Variants in ZNF423 observed in about 807,000 individuals in gnomAD.
ZNF423 encodes the protein zinc finger protein 423, also known as Ebf-associated zinc finger protein.
ZNF423 carries 12 observed loss-of-function variants against 95.8 expected under a neutral mutation model. That is an observed-to-expected ratio of 0.13 (90% confidence interval 0.08 to 0.20). The LOEUF (loss-of-function observed/expected upper bound fraction) is 0.20. ZNF423 is among the 10% of genes least tolerant of loss of function. ZNF423 has a pLI of 1.00. For missense variants in ZNF423, 1,316 were observed against 1,737.1 expected (o/e 0.76, Z 4.31); for synonymous variants, 749 against 711.9 (o/e 1.05, Z -0.83).
chr16:49,624,362 C>T (rs1443121454), intron 5 of ZNF423, among the ~76,000 whole-genome samples: 1 of 151,972 alleles, frequency 6.6e-6, no homozygotes, highest in Non-Finnish European at 1.5e-5. Flanking sequence ...ACCAGCCTGG[C>T]CAACATAGTG....
At chr16:49,774,850 G>A (rs2034094428) in intron 2 of ZNF423, among the ~76,000 whole-genome samples, 1 of 151,972 alleles carries the variant, frequency 6.6e-6, no homozygotes, top group South Asian at 2.1e-4. Context: ...AGGGATAGGT[G>A]GTAGTCAAAA....
chr16:49,733,520 C>T (rs2033217196), intron 2 of ZNF423, among the ~76,000 whole-genome samples: 1 of 152,186 alleles, frequency 6.6e-6, no homozygotes, highest in Admixed American at 6.5e-5. Context: ...TGTCAACTCT[C>T]AGGTTTTTAT....
intron 4 of ZNF423, among the ~76,000 whole-genome samples, chr16:49,633,010 C>T (rs1015647138): frequency 3.9e-5 from 6 of 152,156 alleles, no homozygotes; most frequent in East Asian, 3.9e-4. Flanking sequence ...TGTGACCACC[C>T]GGGACCCCAC....
intron 3 of ZNF423, among the ~76,000 whole-genome samples, chr16:49,642,309 C>T (rs1972999831): frequency 6.6e-6 from 1 of 152,190 alleles, no homozygotes; most frequent in Non-Finnish European, 1.5e-5. Flanking sequence ...AAACTTCATC[C>T]TGTAGGAGTA....
At chr16:49,511,626 C>T (rs1279825016) in intron 7 of ZNF423, among the ~76,000 whole-genome samples, 3 of 152,206 alleles carry the variant, frequency 2.0e-5, no homozygotes. Flanking sequence ...AGGCCTGTGC[C>T]TTGGGCCTTC....
chr16:49,731,977 A>G (rs2033180375), intron 2 of ZNF423, among the ~76,000 whole-genome samples: 1 of 152,196 alleles, frequency 6.6e-6, no homozygotes, highest in Non-Finnish European at 1.5e-5. Context: ...AATCATAATG[A>G]TGCCTTGCAA....
At chr16:49,639,897 A>G (rs1972911375) in intron 3 of ZNF423, among the ~76,000 whole-genome samples, 1 of 152,236 alleles carries the variant, frequency 6.6e-6, no homozygotes, top group African/African-American at 2.4e-5. Flanking sequence ...CACACAGGAC[A>G]CAGTGAATAA....
chr16:49,532,296 G>C (rs1968876026), intron 5 of ZNF423, among the ~76,000 whole-genome samples: 1 of 152,174 alleles, frequency 6.6e-6, no homozygotes, highest in Non-Finnish European at 1.5e-5. Context: ...CCGACCCCCA[G>C]TGCCAGGGGC....
chr16:49,676,259 C>T (rs74990965), intron 3 of ZNF423, among the ~76,000 whole-genome samples: 4,865 of 152,308 alleles, frequency 0.032, 207 homozygotes, highest in East Asian at 0.13. Context: ...CTCCACGAGG[C>T]ACTAACTGAG....
chr16:49,648,233 G>C (rs1185076923), intron 3 of ZNF423, among the ~76,000 whole-genome samples: 1 of 152,220 alleles, frequency 6.6e-6, no homozygotes, highest in African/African-American at 2.4e-5. Context: ...AGTTATGTGG[G>C]AAGCAGAACT....
chr16:49,637,881 A>C lies in ZNF423; in HGVS notation c.1295T>G (p.Val432Gly). ...CSKRDFNSLA[V>G]LEIHLKTIHA... ...GATGGTCTTCAGGTGGATCTCCAGC[A>C]CGGCCAGGCTGTTAAAGTCCCGCTT... The change falls in exon 4 of 8, where the codon GTG (valine) becomes GGG (glycine). Residue 432 changes from valine to glycine, a missense_variant. By Grantham distance (109) the Val-to-Gly change is moderately radical. Around this residue, in one of 6 missense-constraint regions of ZNF423, gnomAD observed 399 missense variants for 478.5 expected, o/e 0.83. Coordinates refer to ENST00000563137, the MANE Select transcript of ZNF423 (RefSeq NM_001379286.1). This position sits in a 1 kb window ranked among gnomAD's most constrained non-coding sequence, Gnocchi z 5.6. 6.2e-7 allele frequency: 1 copy of C among 1,614,124 alleles called. No individual in the cohort carries two copies. The highest frequency in any genetic ancestry group is 2.2e-5 in the East Asian group (1 of 44,866).
At chr16:49,817,113 G>A (rs1399671272) in intron 1 of ZNF423, among the ~76,000 whole-genome samples, 4 of 152,108 alleles carry the variant, frequency 2.6e-5, no homozygotes, top group East Asian at 1.9e-4. Flanking sequence ...TTGCCATCTC[G>A]AAATAAGTCT....
In ZNF423 at chr16:49,811,566, A is replaced by G. The variant is rs1398373179; in HGVS notation, c.41-22020T>C. On this transcript the variant is annotated intron_variant, in intron 1 of 7. Transcript: ENST00000563137. ...GGCTGACCAAACTTCTAGCAGTCCA[A>G]ATACAGTCCTTGCACTGCAGGCTGC... 2.0e-5 allele frequency among the ~76,000 whole-genome samples: 3 copies of G among 152,138 alleles called. 1 individual carries two copies. The highest frequency in any genetic ancestry group is 2.0e-4 in the Admixed American group (3 of 15,276).
At chr16:49,677,724 G>A (rs1279051073) in intron 3 of ZNF423, among the ~76,000 whole-genome samples, 14 of 148,888 alleles carry the variant, frequency 9.4e-5, no homozygotes, top group African/African-American at 3.2e-4. Flanking sequence ...ACTGCCCTCC[G>A]GCCTGGATAA....
At chr16:49,839,374 A>T (rs920250617) in intron 1 of ZNF423, among the ~76,000 whole-genome samples, 76 of 152,072 alleles carry the variant, frequency 5.0e-4, no homozygotes, top group Middle Eastern at 6.8e-3. Flanking sequence ...GGGCTGTGGG[A>T]GCCTCCTGGC....
chr16:49,857,306 T>C (rs1293030404), upstream of ZNF423, among the ~76,000 whole-genome samples: 2 of 144,352 alleles, frequency 1.4e-5, no homozygotes, highest in Admixed American at 6.8e-5. This position sits in a 1 kb window ranked among gnomAD's most constrained non-coding sequence, Gnocchi z 6.2. Flanking sequence ...CGGACCGTGG[T>C]GGCGGCGGCG....
intron 3 of ZNF423, among the ~76,000 whole-genome samples, chr16:49,639,874 G>A (rs1217010448): frequency 6.6e-6 from 1 of 152,192 alleles, no homozygotes; most frequent in Non-Finnish European, 1.5e-5. Flanking sequence ...GGCCGTTTCT[G>A]GGAAAACAAA....
At chr16:49,530,975 G>A (rs971673929) in intron 5 of ZNF423, among the ~76,000 whole-genome samples, 3 of 152,224 alleles carry the variant, frequency 2.0e-5, no homozygotes, top group African/African-American at 7.2e-5. Context: ...AAAAATCCTG[G>A]TCAGAAGGAA....
In ZNF423 at chr16:49,799,032, G is replaced by A. The variant is rs542420362; in HGVS notation, c.41-9486C>T. On this transcript the variant is annotated intron_variant, in intron 1 of 7. Transcript: ENST00000563137. The stretch of plus-strand genomic sequence containing the variant: ...ATCTAGCTATGGCTGTGAGGTAGAG[G>A]AGGGAACCTGGAGAGACACTATAAA... Among the ~76,000 whole-genome samples the A allele has an allele frequency of 6.6e-5, 10 of 152,314 alleles. No individual in the cohort carries two copies. The South Asian group carries it at 2.1e-3, about 32-fold the overall frequency.
Sources: gnomAD v4.1 joint callset for allele counts (sites outside exome capture counted in the v4.1 genomes callset) on GRCh38, gnomAD v4.1.1 for gene constraint, gnomAD v4.1.1 regional missense constraint, Gnocchi (gnomAD v3.1) non-coding constraint, MANE v1.5 for transcripts, NCBI Gene and HGNC (gene_info 2026-07-23, HGNC 2026-07-21) for gene names.